Variants in BMP7 observed in about 807,000 individuals in gnomAD.
BMP7 encodes osteogenic protein 1.
BMP7 carries 12 observed loss-of-function variants against 41.2 expected under a neutral mutation model. The ratio of observed to expected loss-of-function variants is 0.29; its 90% CI spans 0.19 to 0.47. The LOEUF (loss-of-function observed/expected upper bound fraction) is 0.47. BMP7 is among the 20% of genes least tolerant of loss of function. The pLI is 0.99. For missense variants in BMP7, 467 were observed against 606.0 expected, an observed-to-expected ratio of 0.77 and a Z score of 2.41; for synonymous variants, 248 against 250.0, an observed-to-expected ratio of 0.99 and a Z score of 0.07.
intron 1 of BMP7, among the ~76,000 whole-genome samples, chr20:57,230,023 G>A (rs573235545): frequency 6.6e-6 from 1 of 152,202 alleles, no homozygotes; most frequent in Non-Finnish European, 1.5e-5. Flanking sequence ...GTCTCTGGCT[G>A]GGCACAGGAG....
At chr20:57,172,523 T>A (rs1983835253) in intron 6 of BMP7, among the ~76,000 whole-genome samples, 1 of 151,948 alleles carries the variant, frequency 6.6e-6, no homozygotes, top group African/African-American at 2.4e-5. Flanking sequence ...CAAGGCAGGG[T>A]GGATGATCAG....
intron 2 of BMP7, among the ~76,000 whole-genome samples, chr20:57,226,752 C>T (rs1269776020): frequency 6.6e-6 from 1 of 151,868 alleles, no homozygotes; most frequent in Non-Finnish European, 1.5e-5. Context: ...GGCTGGAAGC[C>T]TTCATTTTCA....
At chr20:57,223,655 T>C (rs1046876151) in intron 2 of BMP7, among the ~76,000 whole-genome samples, 3 of 152,170 alleles carry the variant, frequency 2.0e-5, no homozygotes, top group African/African-American at 7.2e-5. Context: ...ATGGGGATGA[T>C]ACATCTTCAT....
chr20:57,262,624 G>C (rs2066158382), intron 1 of BMP7, among the ~76,000 whole-genome samples: 1 of 152,138 alleles, frequency 6.6e-6, no homozygotes, highest in Admixed American at 6.5e-5. Flanking sequence ...TTCAGGCAAG[G>C]GTCCCCCCTC....
At position 57,202,482 on chromosome 20, in the gene BMP7, C is replaced by T. The variant is rs1452830495; in HGVS notation, c.753G>A (p.Thr251=). 5.0e-6 allele frequency: 8 copies of T among 1,596,762 alleles called. No individual in the cohort carries two copies. Among genetic ancestry groups the T allele is most frequent in the Admixed American group, 3.4e-5 (2 of 59,154 alleles). ...HNLGLQLSVE[T]LDGQSINPKL... ...AGTGGCCGGGGGACTCACCATCCAGCGTCTCCACCGAGAGCTGCAGGCCCA... is the reference window on the plus strand; with the variant it reads ...AGTGGCCGGGGGACTCACCATCCAGTGTCTCCACCGAGAGCTGCAGGCCCA... The change falls in exon 3 of 7, where the codon ACG becomes ACA. Residue 251 remains threonine, a synonymous_variant. Coordinates refer to ENST00000395863, the MANE Select transcript of BMP7 (RefSeq NM_001719.3).
At chr20:57,255,374 A>G (rs1030950414) in intron 1 of BMP7, among the ~76,000 whole-genome samples, 8 of 152,214 alleles carry the variant, frequency 5.3e-5, no homozygotes, top group African/African-American at 1.9e-4. Flanking sequence ...CTCTGAATCC[A>G]TTGCTGCTAC....
At chr20:57,219,776 T>C (rs1481973547) in intron 2 of BMP7, among the ~76,000 whole-genome samples, 1 of 152,146 alleles carries the variant, frequency 6.6e-6, no homozygotes, top group Non-Finnish European at 1.5e-5. Flanking sequence ...GCAGCACCGC[T>C]CCCTCACCTG....
intron 2 of BMP7, among the ~76,000 whole-genome samples, chr20:57,218,417 TTTGTTTGGTGGTAGCTG>T (rs1387544351): frequency 6.9e-6 from 1 of 145,114 alleles, no homozygotes; most frequent in Non-Finnish European, 1.6e-5. Flanking sequence ...GTAGCTGGTG[TTTGTTTGGTGGTAGCTG>T]GTGTTTGGTG....
At chr20:57,245,118 G>C (rs762303809) in intron 1 of BMP7, among the ~76,000 whole-genome samples, 1 of 152,194 alleles carries the variant, frequency 6.6e-6, no homozygotes, top group Non-Finnish European at 1.5e-5. Flanking sequence ...ACAGGAAGGT[G>C]CAGAGACGTA....
At chr20:57,241,783 A>G (rs1008338916) in intron 1 of BMP7, among the ~76,000 whole-genome samples, 4 of 152,208 alleles carry the variant, frequency 2.6e-5, no homozygotes, top group African/African-American at 9.7e-5. Flanking sequence ...ATTGTACCAC[A>G]AGATTAAACA....
intron 1 of BMP7, among the ~76,000 whole-genome samples, chr20:57,237,999 G>A (rs529196907): frequency 2.0e-5 from 3 of 152,112 alleles, no homozygotes; most frequent in African/African-American, 7.2e-5. Context: ...CCACTTTTAC[G>A]TGTACAGTTC....
At position 57,215,983 on chromosome 20, in the gene BMP7, G is replaced by C. The variant is rs1985006357; in HGVS notation, c.611+12246C>G. The C allele has an allele frequency of 6.6e-6, 1 of 152,072 alleles. No individual in the cohort carries two copies. The highest frequency in any genetic ancestry group is 2.1e-4 in the South Asian group (1 of 4,828). 9.4% of individuals were successfully genotyped at this position (152,072 alleles called of 1,614,324 possible). On this transcript the variant is annotated intron_variant, in intron 2 of 6. Coordinates refer to ENST00000395863, the MANE Select transcript of BMP7 (RefSeq NM_001719.3). This position sits in a 1 kb window ranked among gnomAD's most constrained non-coding sequence, Gnocchi z 4.2. ...AAAGTGCAGCAAAGCAGGGCGACAA[G>C]GGGAAAGAAACTTGACAGTGCTTTG...
chr20:57,232,243 G>A (rs895255650), intron 1 of BMP7, among the ~76,000 whole-genome samples: 8 of 152,122 alleles, frequency 5.3e-5, no homozygotes, highest in African/African-American at 1.9e-4. Flanking sequence ...TTCTCATGGA[G>A]TTGTTGGGAA....
Position 57,224,259 on chromosome 20 carries a change from C to T in BMP7, c.611+3970G>A, listed in dbSNP as rs570606337. Among the ~76,000 whole-genome samples, 1 of 152,328 alleles carries T rather than the reference C, an allele frequency of 6.6e-6. No homozygotes were observed. The highest frequency in any genetic ancestry group is 2.1e-4 in the South Asian group (1 of 4,830). On this transcript the variant is annotated intron_variant, in intron 2 of 6. Transcript: ENST00000395863. This position sits in a 1 kb window ranked among gnomAD's most constrained non-coding sequence, Gnocchi z 4.8. ...CTCGAGACCACGCTGAGGTCACCCT[C>T]CTGGCAGCCAAAATCACTGAGATGA...
intron 2 of BMP7, among the ~76,000 whole-genome samples, chr20:57,218,219 G>A (rs1163281341): frequency 6.6e-6 from 1 of 152,240 alleles, no homozygotes; most frequent in Admixed American, 6.5e-5. Flanking sequence ...GACACAACCA[G>A]TCCTGGGAGC....
At chr20:57,180,040 C>A (rs2123063357) in intron 4 of BMP7, among the ~76,000 whole-genome samples, 1 of 152,228 alleles carries the variant, frequency 6.6e-6, no homozygotes, top group East Asian at 1.9e-4. Context: ...ACACGGAAGT[C>A]TCTGCCGGGA....
intron 2 of BMP7, among the ~76,000 whole-genome samples, chr20:57,223,277 G>A (rs1985234669): frequency 6.6e-6 from 1 of 151,646 alleles, no homozygotes; most frequent in Non-Finnish European, 1.5e-5. Flanking sequence ...GGGCATGTAA[G>A]ACAGCTCATG....
At chr20:57,222,830 C>T (rs1011211800) in intron 2 of BMP7, among the ~76,000 whole-genome samples, 3 of 104,060 alleles carry the variant, frequency 2.9e-5, no homozygotes, top group African/African-American at 1.5e-4. Context: ...CAGCAAGAAA[C>T]TCCAGAGGCT....
chr20:57,174,953 C>T lies in BMP7; in HGVS notation c.1013G>A (p.Ser338Asn). The T allele has an allele frequency of 6.2e-7, 1 of 1,612,238 alleles. No homozygotes were observed. The highest frequency in any genetic ancestry group is 8.5e-7 in the Non-Finnish European group (1 of 1,179,864). Residue 338 changes from serine (S) to asparagine (N), a missense_variant, in exon 5 of 7, where the codon AGC becomes AAC. Physicochemically the swap from Ser to Asn is conservative, Grantham distance 46 (BLOSUM62 1). Transcript: ENST00000395863. The surrounding 1 kb of genome is among the most constrained non-coding windows in gnomAD (Gnocchi z 4.3). ...QACKKHELYV[S>N]FRDLGWQDWI... ...TACCTGCCAGCCCAGGTCTCGGAAGCTGACATACAGCTCGTGCTTCTTACA... is the reference window on the plus strand; with the variant it reads ...TACCTGCCAGCCCAGGTCTCGGAAGTTGACATACAGCTCGTGCTTCTTACA...
Sources: gnomAD v4.1 joint callset for allele counts (sites outside exome capture counted in the v4.1 genomes callset) on GRCh38, gnomAD v4.1.1 for gene constraint, Gnocchi (gnomAD v3.1) non-coding constraint, MANE v1.5 for transcripts, NCBI Gene and HGNC (gene_info 2026-07-23, HGNC 2026-07-21) for gene names.